Variants in KLHL2 observed in about 807,000 individuals in gnomAD.
KLHL2 encodes kelch-like protein 2.
A neutral mutation model predicts 75.8 loss-of-function variants in KLHL2; 15 were observed. The observed-to-expected ratio is 0.20, with a 90% CI of 0.13 to 0.30. KLHL2 has a LOEUF of 0.30. Among genes scored for constraint, KLHL2 ranks in the 10% least tolerant of loss-of-function variants. The pLI is 1.00. For missense variants in KLHL2, 381 were observed against 741.0 expected, an observed-to-expected ratio of 0.51 and a Z score of 5.64; for synonymous variants, 214 against 251.9, an observed-to-expected ratio of 0.85 and a Z score of 1.42.
chr4:165,227,409 T>A (rs1166763987), intron 2 of KLHL2, among the ~76,000 whole-genome samples: 1 of 152,102 alleles, frequency 6.6e-6, no homozygotes, highest in Admixed American at 6.6e-5. Context: ...TGGGAACAAG[T>A]TTGCAAGCAG....
rs34817549 is a variant in KLHL2 at position 165,213,683 on chromosome 4, C to A, written c.26+5781C>A. 2.0e-5 allele frequency among the ~76,000 whole-genome samples: 3 copies of A among 152,014 alleles called. No homozygotes were observed. The East Asian group carries it at 5.8e-4, about 29-fold the overall frequency. ...TAAATGGAGGAAGATCTCAATTCAG[C>A]CTTCCTAATGTTTCTTACCCTTCTT... On this transcript the variant is annotated intron_variant, in intron 1 of 14. Coordinates refer to ENST00000226725, the MANE Select transcript of KLHL2 (RefSeq NM_007246.4).
chr4:165,256,666 CCTGA>C (rs1047743151), intron 4 of KLHL2, among the ~76,000 whole-genome samples: 4 of 152,134 alleles, frequency 2.6e-5, no homozygotes, highest in South Asian at 2.1e-4. Flanking sequence ...CTTGCTTCTC[CCTGA>C]CTTTCTTTTA....
intron 3 of KLHL2, among the ~76,000 whole-genome samples, chr4:165,233,624 TATTGAG>T (rs1252235641): frequency 6.6e-6 from 1 of 152,194 alleles, no homozygotes; most frequent in African/African-American, 2.4e-5. Flanking sequence ...AAGGAATATT[TATTGAG>T]AATCTTCTCT....
At chr4:165,215,944 G>T (rs1449044609) in intron 1 of KLHL2, among the ~76,000 whole-genome samples, 1 of 152,122 alleles carries the variant, frequency 6.6e-6, no homozygotes, top group Non-Finnish European at 1.5e-5. Flanking sequence ...CTCTTCATGT[G>T]AGAAGGGGTG....
intron 5 of KLHL2, among the ~76,000 whole-genome samples, chr4:165,264,740 GTATATA>G (rs1216985793): frequency 2.6e-4 from 20 of 75,752 alleles, no homozygotes; most frequent in Middle Eastern, 7.5e-3. Context: ...ATATATATAT[GTATATA>G]TATATATATA....
intron 5 of KLHL2, among the ~76,000 whole-genome samples, chr4:165,282,285 T>A (rs1743752106): frequency 6.6e-6 from 1 of 152,226 alleles, no homozygotes; most frequent in Non-Finnish European, 1.5e-5. Flanking sequence ...CTGTTGATTT[T>A]TACTGTACCT....
chr4:165,238,177 G>A (rs1196907271), intron 3 of KLHL2, among the ~76,000 whole-genome samples: 1 of 152,160 alleles, frequency 6.6e-6, no homozygotes, highest in African/African-American at 2.4e-5. Flanking sequence ...CTTTGTTGTT[G>A]ACTAACTCTT....
chr4:165,208,642 A>G (rs1737003373), intron 1 of KLHL2: 1 of 152,064 alleles, frequency 6.6e-6, no homozygotes. Context: ...ATTATTCAGA[A>G]CAAGGGTTTT....
chr4:165,314,408 T>A (rs1038265666), intron 13 of KLHL2, among the ~76,000 whole-genome samples: 1 of 152,192 alleles, frequency 6.6e-6, no homozygotes, highest in Non-Finnish European at 1.5e-5. Context: ...TCATTTCTAC[T>A]AGCTGCTACT....
chr4:165,250,081 C>T lies in KLHL2; in HGVS notation c.381+11182C>T, dbSNP rs544878514. ...GGAGCTTGCAGTAAGCCGAGATCAC[C>T]CCACTGCACTCCAGCCTGGGCAACA... On this transcript the variant is annotated intron_variant, in intron 4 of 14. Transcript: ENST00000226725. 2.6e-3 allele frequency among the ~76,000 whole-genome samples: 395 copies of T among 152,022 alleles called. 5 individuals are homozygous for T. The highest frequency in any genetic ancestry group is 8.5e-3 in the African/African-American group (354 of 41,428).
At chr4:165,267,212 G>C (rs970660341) in intron 5 of KLHL2, among the ~76,000 whole-genome samples, 1 of 152,156 alleles carries the variant, frequency 6.6e-6, no homozygotes, top group Non-Finnish European at 1.5e-5. Context: ...GATATTTTGG[G>C]CTGAGACAAT....
At chr4:165,211,196 C>T (rs1422241183) in intron 1 of KLHL2, among the ~76,000 whole-genome samples, 1 of 152,112 alleles carries the variant, frequency 6.6e-6, no homozygotes, top group African/African-American at 2.4e-5. Context: ...CAATTGAAGT[C>T]TAACAATTGC....
At chr4:165,318,836 C>T (rs1349576254) in intron 14 of KLHL2, among the ~76,000 whole-genome samples, 1 of 152,072 alleles carries the variant, frequency 6.6e-6, no homozygotes, top group Non-Finnish European at 1.5e-5. Context: ...AACTCAGATG[C>T]ACTGCATAAC....
chr4:165,215,733 T>TTTTTTTTTC (rs1560974140), intron 1 of KLHL2, among the ~76,000 whole-genome samples: 1 of 151,928 alleles, frequency 6.6e-6, no homozygotes, highest in Non-Finnish European at 1.5e-5. Context: ...ATTTTTTTTT[T>TTTTTTTTTC]CTAAAAATAC....
chr4:165,227,313 G>T (rs1263663613), intron 2 of KLHL2, among the ~76,000 whole-genome samples: 3 of 152,060 alleles, frequency 2.0e-5, no homozygotes, highest in African/African-American at 4.8e-5. Context: ...CTGATGCTGG[G>T]GTACTCTTTT....
At chr4:165,267,169 T>C (rs1742306728) in intron 5 of KLHL2, among the ~76,000 whole-genome samples, 1 of 152,228 alleles carries the variant, frequency 6.6e-6, no homozygotes, top group Non-Finnish European at 1.5e-5. Context: ...TTTTGTATCC[T>C]GAGACTTTGC....
At chr4:165,250,859 G>C (rs1233289497) in intron 4 of KLHL2, among the ~76,000 whole-genome samples, 4 of 152,000 alleles carry the variant, frequency 2.6e-5, no homozygotes, top group Non-Finnish European at 5.9e-5. Flanking sequence ...TCCCTAATTT[G>C]CTATAGAGTT....
intron 3 of KLHL2, among the ~76,000 whole-genome samples, 174 bp downstream of exon 3, chr4:165,229,087 A>G (rs907739): frequency 0.085 from 12,895 of 151,748 alleles, 612 homozygotes; most frequent in Middle Eastern, 0.11. Flanking sequence ...GCATTGTTGG[A>G]GGTCAGTAAG....
At chr4:165,257,856 A>G (rs1363514284) in intron 4 of KLHL2, among the ~76,000 whole-genome samples, 3 of 151,974 alleles carry the variant, frequency 2.0e-5, no homozygotes, top group Admixed American at 6.5e-5. Flanking sequence ...GACAGTAAAC[A>G]TGGGAACAAA....
Sources: gnomAD v4.1 joint callset for allele counts (sites outside exome capture counted in the v4.1 genomes callset) on GRCh38, gnomAD v4.1.1 for gene constraint, MANE v1.5 for transcripts, NCBI Gene and HGNC (gene_info 2026-07-23, HGNC 2026-07-21) for gene names.